CNIH3: variants seen among roughly 807,000 people sequenced by gnomAD.
CNIH3 encodes cornichon family AMPA receptor auxiliary protein 3.
A neutral mutation model predicts 24.1 loss-of-function variants in CNIH3; 14 were observed. The observed-to-expected ratio is 0.58, with a 90% CI of 0.38 to 0.91. The LOEUF (loss-of-function observed/expected upper bound fraction) is 0.91. Among genes scored for constraint, CNIH3 ranks in the 40% least tolerant of loss-of-function variants. The probability of loss-of-function intolerance (pLI) is 0.00; values close to 1 mark genes in which losing one functional copy is unlikely to be tolerated. For synonymous variants in CNIH3, 68 were observed against 73.8 expected, an observed-to-expected ratio of 0.92 and a Z score of 0.40; for missense variants, 178 against 196.8, an observed-to-expected ratio of 0.90 and a Z score of 0.57.
intron 1 of CNIH3, among the ~76,000 whole-genome samples, chr1:224,487,960 AC>A (rs565122321): frequency 6.6e-6 from 1 of 151,838 alleles, no homozygotes; most frequent in South Asian, 2.1e-4. Context: ...CTTTTTGAAA[AC>A]CCTATTCTTT....
At chr1:224,609,107 G>A (rs1299092531) in intron 3 of CNIH3, among the ~76,000 whole-genome samples, 1 of 152,134 alleles carries the variant, frequency 6.6e-6, no homozygotes, top group Non-Finnish European at 1.5e-5. Context: ...TGGCATGCCT[G>A]TTGTTGGAGG....
At position 224,604,716 on chromosome 1, in the gene CNIH3, A is replaced by T. The variant is rs1273780891; in HGVS notation, n.402+38452A>T. Among the ~76,000 whole-genome samples, 1 of 152,222 alleles carries T rather than the reference A, an allele frequency of 6.6e-6. No homozygotes were observed. Among genetic ancestry groups the T allele is most frequent in the Non-Finnish European group, 1.5e-5 (1 of 68,038 alleles). On this transcript the variant is annotated intron_variant and non_coding_transcript_variant, in intron 3 of 7. Coordinates refer to the CNIH3 transcript ENST00000478120. This position sits in a 1 kb window ranked among gnomAD's most constrained non-coding sequence, Gnocchi z 4.4. ...TTTCTTCTCGGTCACTTTGCAAGCC[A>T]GGGACCCTTGCCGGTGACACCTGGC...
In CNIH3 at chr1:224,571,893, AC is replaced by A. The variant is rs535133527; in HGVS notation, n.516+5630del. Among the ~76,000 whole-genome samples, 16 of 152,342 alleles carry A rather than the reference AC, an allele frequency of 1.1e-4. No individual in the cohort carries two copies. In the South Asian group the frequency reaches 3.1e-3, roughly 30 times the overall value. ...AGGGCATTGCCCAAGCAGGTTTTCC[AC>A]AGGGAGTTCTAACTGGTGGGTTTAA... is the stretch of plus-strand genomic sequence containing the variant. On this transcript the variant is annotated intron_variant and non_coding_transcript_variant, in intron 4 of 5. Coordinates refer to the CNIH3 transcript ENST00000471578.
intron 1 of CNIH3, among the ~76,000 whole-genome samples, chr1:224,485,680 A>G (rs1205297804): frequency 6.6e-6 from 1 of 152,122 alleles, no homozygotes; most frequent in Non-Finnish European, 1.5e-5. Context: ...TTTTGTAGAG[A>G]TAGAATCTCA....
At chr1:224,668,110 G>A (rs1685683783) in intron 1 of CNIH3, among the ~76,000 whole-genome samples, 1 of 152,148 alleles carries the variant, frequency 6.6e-6, no homozygotes, top group African/African-American at 2.4e-5. Flanking sequence ...AGGGCTAATG[G>A]CATAAAAGGA....
At chr1:224,460,775 T>G (rs1277079660) in intron 1 of CNIH3, among the ~76,000 whole-genome samples, 1 of 78,928 alleles carries the variant, frequency 1.3e-5, no homozygotes. Context: ...TTTTTTGGGT[T>G]TTTTTTTTTT....
intron 1 of CNIH3, among the ~76,000 whole-genome samples, chr1:224,663,738 T>G (rs1223007645): frequency 6.6e-6 from 1 of 152,150 alleles, no homozygotes; most frequent in African/African-American, 2.4e-5. Context: ...CACTCACTTA[T>G]CCAGATGCAG....
chr1:224,577,776 T>C (rs968639261), intron 4 of CNIH3, among the ~76,000 whole-genome samples: 1 of 152,222 alleles, frequency 6.6e-6, no homozygotes, highest in African/African-American at 2.4e-5. Context: ...TGCAGGTTTA[T>C]AGCAGCATAA....
At chr1:224,694,606 A>G (rs891666519) in intron 3 of CNIH3, among the ~76,000 whole-genome samples, 1 of 152,194 alleles carries the variant, frequency 6.6e-6, no homozygotes, top group Non-Finnish European at 1.5e-5. Context: ...TCAGACTTTC[A>G]TTATATGAAA....
intron 1 of CNIH3, among the ~76,000 whole-genome samples, chr1:224,662,904 A>G (rs1055247013): frequency 6.6e-6 from 1 of 152,200 alleles, no homozygotes; most frequent in Non-Finnish European, 1.5e-5. Flanking sequence ...TGGGTTAAGC[A>G]GTTTCCAAGG....
At chr1:224,632,117 TTGCGAGGGCAC>T (rs67997034) in intron 1 of CNIH3, among the ~76,000 whole-genome samples, 37,124 of 151,964 alleles carry the variant, frequency 0.24, 4,798 homozygotes, top group East Asian at 0.37. Flanking sequence ...GGGAGACACA[TTGCGAGGGCAC>T]TGCCCTGCGT....
intron 1 of CNIH3, among the ~76,000 whole-genome samples, chr1:224,446,214 T>TC (rs1675158856): frequency 9.7e-5 from 2 of 20,676 alleles, no homozygotes; most frequent in Non-Finnish European, 4.9e-4. Flanking sequence ...TCAACTTTGT[T>TC]TTTTTTTTTT....
At chr1:224,685,385 A>T (rs1686605507) in intron 3 of CNIH3, among the ~76,000 whole-genome samples, 1 of 152,236 alleles carries the variant, frequency 6.6e-6, no homozygotes, top group South Asian at 2.1e-4. Context: ...AGTACGTTAC[A>T]GCTTCCCCAG....
chr1:224,485,150 C>T (rs1361960981), intron 1 of CNIH3, among the ~76,000 whole-genome samples: 1 of 152,196 alleles, frequency 6.6e-6, no homozygotes, highest in Non-Finnish European at 1.5e-5. Flanking sequence ...TACATACCTG[C>T]CCTTCGTTCA....
At chr1:224,562,030 T>G (rs1473476481) in intron 3 of CNIH3, among the ~76,000 whole-genome samples, 1 of 149,758 alleles carries the variant, frequency 6.7e-6, no homozygotes, top group African/African-American at 2.6e-5. Flanking sequence ...CATTGAGACT[T>G]GATCACCATG....
chr1:224,493,348 G>C (rs940950241), intron 1 of CNIH3, among the ~76,000 whole-genome samples: 1 of 152,108 alleles, frequency 6.6e-6, no homozygotes, highest in Non-Finnish European at 1.5e-5. Context: ...CAAACCAAAA[G>C]GTCAGGGAAA....
At chr1:224,489,292 G>A (rs1269750247) in intron 1 of CNIH3, among the ~76,000 whole-genome samples, 1 of 152,150 alleles carries the variant, frequency 6.6e-6, no homozygotes, top group East Asian at 1.9e-4. Context: ...TGGACAGTTG[G>A]TCAGAATTTA....
chr1:224,593,159 CTT>C (rs773677216), downstream of CNIH3, among the ~76,000 whole-genome samples: 10 of 139,572 alleles, frequency 7.2e-5, no homozygotes, highest in Admixed American at 7.2e-5. Flanking sequence ...TTTTTTTTAA[CTT>C]TTTTTTTTTT....
At chr1:224,730,147 A>G (rs772165463) in intron 3 of CNIH3, among the ~76,000 whole-genome samples, 5 of 152,100 alleles carry the variant, frequency 3.3e-5, no homozygotes, top group Admixed American at 3.3e-4. Flanking sequence ...CATGGGCTGG[A>G]CCAGCTCTTC....
Sources: allele counts gnomAD v4.1 joint callset (sites outside exome capture counted in the v4.1 genomes callset), GRCh38; gene constraint gnomAD v4.1.1; non-coding constraint Gnocchi (gnomAD v3.1); transcripts MANE v1.5; gene names NCBI Gene and HGNC (gene_info 2026-07-23, HGNC 2026-07-21).